FAM47E: variants seen among roughly 807,000 people sequenced by gnomAD.
FAM47E encodes the protein family with sequence similarity 47 member E.
A neutral mutation model predicts 41.6 loss-of-function variants in FAM47E; 32 were observed. That is an observed-to-expected ratio of 0.77 (90% CI 0.58 to 1.03). The LOEUF (loss-of-function observed/expected upper bound fraction) is 1.03, where lower values mean the gene tolerates loss of function less well. Ranked by LOEUF, FAM47E falls within the 50% of genes least tolerant of loss-of-function variation. The pLI is 0.00. For synonymous variants in FAM47E, 184 were observed against 188.7 expected (o/e 0.98, Z 0.20); for missense variants, 424 against 485.4 (o/e 0.87, Z 1.19).
intron 2 of FAM47E, 105 bp downstream of exon 2, chr4:76,256,628 G>A: frequency 7.5e-7 from 1 of 1,335,562 alleles, no homozygotes; most frequent in Non-Finnish European, 1.0e-6. Context: ...ATTTATAAGA[G>A]GAGTGATGAA....
intron 2 of FAM47E, among the ~76,000 whole-genome samples, chr4:76,241,246 T>C (rs556937380): frequency 5.3e-5 from 8 of 152,288 alleles, no homozygotes; most frequent in Non-Finnish European, 2.9e-5. Flanking sequence ...GTCATAGCCT[T>C]CAATGTCTGG....
At position 76,264,989 on chromosome 4, in the gene FAM47E, G is replaced by A. The variant is rs546494853; in HGVS notation, c.560+1146G>A. ...CCTATCCACAGTACCCAGACACTTAGAGGAGTGTGGACTGTGGTCAGTGTG... is the reference window on the plus strand; with the variant it reads ...CCTATCCACAGTACCCAGACACTTAAAGGAGTGTGGACTGTGGTCAGTGTG... On this transcript the variant is annotated intron_variant, in intron 3 of 7. Coordinates refer to ENST00000424749, the MANE Select transcript of FAM47E (RefSeq NM_001136570.3). Among the ~76,000 whole-genome samples the A allele has an allele frequency of 2.6e-4, 39 of 152,334 alleles. No homozygotes were observed. In the South Asian group the frequency reaches 4.3e-3, roughly 17 times the overall value.
At chr4:76,235,127 C>T (rs1158203456) in intron 2 of FAM47E, among the ~76,000 whole-genome samples, 1 of 151,996 alleles carries the variant, frequency 6.6e-6, no homozygotes, top group Non-Finnish European at 1.5e-5. Context: ...ACCATCATGG[C>T]TAACACGGTG....
chr4:76,253,509 A>G (rs4859648), intron 1 of FAM47E, among the ~76,000 whole-genome samples: 20,577 of 152,216 alleles, frequency 0.14, 1,668 homozygotes, highest in East Asian at 0.34. Flanking sequence ...TGGGCCAAGC[A>G]AGATTTTTCC....
chr4:76,271,015 T>G (rs1734863238), intron 4 of FAM47E, among the ~76,000 whole-genome samples: 1 of 152,208 alleles, frequency 6.6e-6, no homozygotes, highest in African/African-American at 2.4e-5. Flanking sequence ...TGTTTTCCAG[T>G]GTGAGATTCT....
intron 5 of FAM47E, among the ~76,000 whole-genome samples, chr4:76,273,161 A>G (rs1001037709): frequency 1.3e-5 from 2 of 152,198 alleles, no homozygotes; most frequent in Non-Finnish European, 1.5e-5. Flanking sequence ...AAGGGTGGGT[A>G]GTGTGTACAG....
intron 3 of FAM47E, among the ~76,000 whole-genome samples, chr4:76,264,347 C>T (rs958834027): frequency 6.6e-6 from 1 of 151,888 alleles, no homozygotes; most frequent in Admixed American, 6.6e-5. Flanking sequence ...CAGGTATGTA[C>T]CACCATGCCT....
intron 2 of FAM47E, among the ~76,000 whole-genome samples, chr4:76,228,321 A>G (rs983303118): frequency 6.6e-6 from 1 of 151,996 alleles, no homozygotes; most frequent in Non-Finnish European, 1.5e-5. Context: ...CTCTACTAAA[A>G]TACAAAAATT....
At chr4:76,218,140 CT>C (rs1214965370) in intron 2 of FAM47E, among the ~76,000 whole-genome samples, 1 of 152,218 alleles carries the variant, frequency 6.6e-6, no homozygotes, top group Non-Finnish European at 1.5e-5. Flanking sequence ...GGAAATGGCC[CT>C]AGGCCTTGCC....
At chr4:76,270,551 T>C (rs1372103487) in intron 4 of FAM47E, among the ~76,000 whole-genome samples, 1 of 152,170 alleles carries the variant, frequency 6.6e-6, no homozygotes, top group Non-Finnish European at 1.5e-5. Flanking sequence ...GTATCCAAAC[T>C]ACTGCTTGTC....
chr4:76,229,580 T>G (rs1354990788), intron 2 of FAM47E, among the ~76,000 whole-genome samples: 1 of 152,242 alleles, frequency 6.6e-6, no homozygotes, highest in Non-Finnish European at 1.5e-5. Context: ...CGTGGCTTTC[T>G]GGGAGCTGAA....
intron 2 of FAM47E, among the ~76,000 whole-genome samples, chr4:76,225,862 T>C (rs1364810657): frequency 1.5e-4 from 23 of 152,232 alleles, no homozygotes. Flanking sequence ...GTTGTTGTTA[T>C]GTCTTTTCCT....
chr4:76,244,030 A>T (rs1184778502), intron 2 of FAM47E, among the ~76,000 whole-genome samples: 2 of 152,180 alleles, frequency 1.3e-5, no homozygotes, highest in African/African-American at 4.8e-5. Flanking sequence ...GCTGAGAATG[A>T]TAGTTTCCAG....
chr4:76,225,720 T>C (rs1578751492), intron 2 of FAM47E, among the ~76,000 whole-genome samples: 1 of 152,218 alleles, frequency 6.6e-6, no homozygotes, highest in Non-Finnish European at 1.5e-5. Context: ...ACCACCCCTG[T>C]ATCCCTGGTA....
rs573814578 is a variant in FAM47E at position 76,262,944 on chromosome 4, T to TA, written c.421-757dup. Among the ~76,000 whole-genome samples the TA allele has an allele frequency of 1.4e-4, 21 of 152,268 alleles. No homozygotes were observed. The East Asian group carries it at 3.7e-3, about 27-fold the overall frequency. On this transcript the variant is annotated intron_variant, in intron 2 of 7. Transcript: ENST00000424749. ...GCCTGGCTAATTTAAAAAAATTTTT[T>TA]AAATAGAAACAGAGGTCTTGCTATG...
intron 2 of FAM47E, among the ~76,000 whole-genome samples, chr4:76,226,985 CATTT>C (rs1486208415): frequency 8.3e-6 from 1 of 120,748 alleles, no homozygotes; most frequent in Admixed American, 9.8e-5. Context: ...AGTTTTTTTT[CATTT>C]GTCTTTCGAA....
At chr4:76,279,142 C>A (rs908746685) in intron 6 of FAM47E, 1 of 152,028 alleles carries the variant, frequency 6.6e-6, no homozygotes, top group Non-Finnish European at 1.5e-5. Context: ...ATGAGCACCC[C>A]ATGTTTATAT....
intron 5 of FAM47E, among the ~76,000 whole-genome samples, chr4:76,273,744 A>G (rs1734987257): frequency 6.6e-6 from 1 of 151,950 alleles, no homozygotes; most frequent in Admixed American, 6.6e-5. Flanking sequence ...CAGAACTCTA[A>G]TTAACTGTAA....
At chr4:76,258,365 G>T (rs6849069) in intron 2 of FAM47E, among the ~76,000 whole-genome samples, 85,578 of 151,944 alleles carry the variant, frequency 0.56, 24,717 homozygotes, top group Middle Eastern at 0.65. Flanking sequence ...TTGTTTGGTC[G>T]GCCTTAGGAG....
Sources: gnomAD v4.1 joint callset for allele counts (sites outside exome capture counted in the v4.1 genomes callset) on GRCh38, gnomAD v4.1.1 for gene constraint, MANE v1.5 for transcripts, NCBI Gene and HGNC (gene_info 2026-07-23, HGNC 2026-07-21) for gene names.